The following FBXW10 variants were observed in gnomAD, a reference collection of about 807,000 sequenced individuals.
The protein encoded by FBXW10 is F-box and WD repeat domain containing 10, also known as F-box/WD repeat-containing protein 10.
FBXW10 carries 68 observed loss-of-function variants against 113.1 expected under a neutral mutation model. That is an observed-to-expected ratio of 0.60 (90% CI 0.49 to 0.74). The LOEUF (loss-of-function observed/expected upper bound fraction) is 0.74. Among genes scored for constraint, FBXW10 ranks in the 30% least tolerant of loss-of-function variants. The pLI is 0.00. For synonymous variants in FBXW10, 289 were observed against 481.6 expected (o/e 0.60, Z 5.24); for missense variants, 753 against 1,284.5 (o/e 0.59, Z 6.32).
intron 1 of FBXW10, among the ~76,000 whole-genome samples, chr17:18,747,511 G>A (rs1479274115): frequency 1.3e-5 from 2 of 152,010 alleles, no homozygotes; most frequent in Admixed American, 6.5e-5. Flanking sequence ...AGCCAAGACC[G>A]AGCCATTGCA....
chr17:18,751,932 T>C (rs1436105003), intron 5 of FBXW10, among the ~76,000 whole-genome samples: 2 of 152,248 alleles, frequency 1.3e-5, no homozygotes, highest in Non-Finnish European at 2.9e-5. Flanking sequence ...AGCTCTTTGC[T>C]TTGACTATCA....
At position 18,772,444 on chromosome 17, in the gene FBXW10, T is replaced by C. The variant is rs778519253; in HGVS notation, c.2039T>C (p.Met680Thr). 21 of 1,614,086 alleles carry C rather than the reference T, an allele frequency of 1.3e-5. No homozygotes were observed. The highest frequency in any genetic ancestry group is 1.6e-4 in the Middle Eastern group (1 of 6,084). Residue 680 changes from methionine to threonine, a missense_variant, in exon 12 of 14, where the codon ATG (methionine) becomes ACG (threonine). Coordinates refer to ENST00000395665, the MANE Select transcript of FBXW10 (RefSeq NM_001267585.2). ...MVVNTESNVL[M>T]FQFEHIKWQY... ...GTCAACACAGAGAGCAATGTTCTCA[T>C]GTTCCAGTTTGAGCACATAAAGTGG... is the stretch of plus-strand genomic sequence containing the variant.
At chr17:18,751,992 CTTAAAGTCTATT>C (rs142382185) in intron 5 of FBXW10, among the ~76,000 whole-genome samples, 64,133 of 151,834 alleles carry the variant, frequency 0.42, 13,796 homozygotes, top group Non-Finnish European at 0.46. Flanking sequence ...CCCCACTCTG[CTTAAAGTCTATT>C]TTAAAGTCTA....
intron 2 of FBXW10, 25 bp downstream of exon 2, chr17:18,748,130 C>T: frequency 6.2e-7 from 1 of 1,613,478 alleles, no homozygotes; most frequent in South Asian, 1.1e-5. Flanking sequence ...AGCAAGAAAG[C>T]CAATATGGGC....
intron 11 of FBXW10, among the ~76,000 whole-genome samples, chr17:18,770,469 A>T: frequency 6.6e-6 from 1 of 151,846 alleles, no homozygotes. Flanking sequence ...TGCCCGGCTA[A>T]TTTTTAGTAT....
At chr17:18,768,905 T>C (rs986922018) in intron 10 of FBXW10, among the ~76,000 whole-genome samples, 2 of 151,710 alleles carry the variant, frequency 1.3e-5, no homozygotes, top group African/African-American at 2.4e-5. Context: ...GAAGTAACTA[T>C]AGAAACTGGG....
Position 18,772,527 on chromosome 17 carries a change from G to T in FBXW10, c.2122G>T (p.Glu708Ter), listed in dbSNP as rs372209815. Residue 708 changes from glutamate to a stop codon, truncating the protein, a stop_gained, in exon 12 of 14, where the codon GAA (glutamate) becomes TAA (stop). Transcript: ENST00000395665. LOFTEE classifies it high-confidence loss of function. ...GAATAAGGAGAAAGAGGAGGAAAAA[G>T]AAGAAAATAGTCTCATGGAAATTCT... ...KKNKEKEEEK[E>*]ENSLMEILSK... 1.9e-5 allele frequency: 30 copies of T among 1,613,988 alleles called. No homozygotes were observed. The highest frequency in any genetic ancestry group is 2.3e-5 in the Non-Finnish European group (27 of 1,179,962).
intron 12 of FBXW10, among the ~76,000 whole-genome samples, chr17:18,774,888 G>A (rs2035675572): frequency 6.6e-6 from 1 of 152,180 alleles, no homozygotes; most frequent in African/African-American, 2.4e-5. Context: ...CCAACACAAA[G>A]AGATGATAAA....
chr17:18,756,477 A>T (rs1268656626), intron 6 of FBXW10, among the ~76,000 whole-genome samples: 1 of 152,006 alleles, frequency 6.6e-6, no homozygotes, highest in Non-Finnish European at 1.5e-5. Context: ...CGGTTATTGG[A>T]AAAAATCTTT....
intron 9 of FBXW10, among the ~76,000 whole-genome samples, chr17:18,768,309 G>A (rs375951034): frequency 9.2e-5 from 14 of 152,102 alleles, no homozygotes; most frequent in South Asian, 2.1e-4. Context: ...CTTGTGATCC[G>A]CCCGCCTCGG....
At chr17:18,768,934 ATTT>A (rs59007149) in intron 10 of FBXW10, among the ~76,000 whole-genome samples, 12 of 114,378 alleles carry the variant, frequency 1.0e-4, no homozygotes, top group Non-Finnish European at 1.7e-4. Flanking sequence ...GAAGTTATTG[ATTT>A]TTTTTTTTTT....
chr17:18,766,356 T>C (rs2035496480), intron 8 of FBXW10, among the ~76,000 whole-genome samples: 1 of 152,084 alleles, frequency 6.6e-6, no homozygotes, highest in Non-Finnish European at 1.5e-5. Flanking sequence ...CTGTATGCCA[T>C]GATTTTTATG....
intron 1 of FBXW10, among the ~76,000 whole-genome samples, chr17:18,745,642 C>G (rs1183327335): frequency 1.3e-5 from 2 of 152,096 alleles, no homozygotes; most frequent in Non-Finnish European, 2.9e-5. Flanking sequence ...TCTCGGACTC[C>G]TGACCTCGTG....
chr17:18,749,664 G>C, intron 2 of FBXW10, 58 bp from the exon 3 acceptor site: 1 of 1,612,146 alleles, frequency 6.2e-7, no homozygotes, highest in Non-Finnish European at 8.5e-7. Flanking sequence ...ACTTGTTCTT[G>C]GCCTGGAGTT....
rs1291039258 is a variant in FBXW10, at chr17:18,748,338, G to A, written c.670+233G>A. ...AGGCAGCAGAAGGGCGTGAAGCCGG[G>A]AGGCAGAGCTTGCAGTGAGCCGAGA... On this transcript the variant is annotated intron_variant, in intron 2 of 13. Transcript: ENST00000395665. Among the ~76,000 whole-genome samples, 3 of 149,550 alleles carry A rather than the reference G, an allele frequency of 2.0e-5. No homozygotes were observed. In the East Asian group the frequency reaches 5.9e-4, roughly 29 times the overall value.
At chr17:18,756,708 T>C (rs1231023370) in intron 6 of FBXW10, among the ~76,000 whole-genome samples, 1 of 152,206 alleles carries the variant, frequency 6.6e-6, no homozygotes, top group Non-Finnish European at 1.5e-5. Context: ...ATCGTATTTA[T>C]AATTGCATAC....
intron 7 of FBXW10, among the ~76,000 whole-genome samples, chr17:18,759,315 A>G (rs2035334254): frequency 6.6e-6 from 1 of 152,136 alleles, no homozygotes. Context: ...CAGAGGTAAT[A>G]TTATTCTAAT....
rs764386817 is a variant in FBXW10 at position 18,769,942 on chromosome 17, G to T, written c.1863G>T (p.Val621=). The part of the protein sequence containing the change: ...AFKHPKEVLD[V]SLLFLRVISA... ...TCCCTTCCAGGGAGGTGCTCGACGT[G>T]TCCCTTCTCTTCCTCCGGGTCATCA... Residue 621 remains valine, a synonymous_variant, in exon 11 of 14, where the codon GTG becomes GTT. Transcript: ENST00000395665. 6.2e-7 allele frequency: 1 copy of T among 1,614,164 alleles called. No individual in the cohort carries two copies.
intron 7 of FBXW10, among the ~76,000 whole-genome samples, chr17:18,762,752 T>C (rs528825724): frequency 2.8e-4 from 43 of 152,078 alleles, no homozygotes; most frequent in Non-Finnish European, 4.6e-4. Context: ...TTGTTCCCCT[T>C]CTGGAAGGGA....
Sources: gnomAD v4.1 joint callset for allele counts (sites outside exome capture counted in the v4.1 genomes callset) on GRCh38, gnomAD v4.1.1 for gene constraint, MANE v1.5 for transcripts, NCBI Gene and HGNC (gene_info 2026-07-23, HGNC 2026-07-21) for gene names.